The following GTF2E2 variants were observed in gnomAD, a reference collection of about 807,000 sequenced individuals.
GTF2E2 encodes the protein transcription initiation factor IIE subunit beta.
GTF2E2 carries 21 observed loss-of-function variants against 40.5 expected under a neutral mutation model. That is an observed-to-expected ratio of 0.52 (90% confidence interval 0.37 to 0.75). GTF2E2 has a LOEUF of 0.75. Among genes scored for constraint, GTF2E2 ranks in the 30% least tolerant of loss-of-function variants. GTF2E2 has a pLI of 0.00. For synonymous variants in GTF2E2, 117 were observed against 121.6 expected (o/e 0.96, Z 0.25); for missense variants, 298 against 338.4 (o/e 0.88, Z 0.94).
intron 6 of GTF2E2, among the ~76,000 whole-genome samples, chr8:30,589,632 A>G (rs1585937787): frequency 6.6e-6 from 1 of 152,256 alleles, no homozygotes; most frequent in Non-Finnish European, 1.5e-5. Flanking sequence ...CTTCATCCTC[A>G]ACATTTCAAC....
Position 30,611,949 on chromosome 8 carries a change from T to C in GTF2E2, c.549+350A>G, listed in dbSNP as rs559390037. Among the ~76,000 whole-genome samples, 4 of 152,302 alleles carry C rather than the reference T, an allele frequency of 2.6e-5. No individual in the cohort carries two copies. The South Asian group carries it at 8.3e-4, about 32-fold the overall frequency. On this transcript the variant is annotated intron_variant, in intron 5 of 7. Transcript: ENST00000355904. ...TGCTTTCATGTTTTAATGCCTCTAG[T>C]TCCTCAGGTAAGGAACATCTACTAG...
chr8:30,616,803 G>A (rs1281370849), intron 3 of GTF2E2, among the ~76,000 whole-genome samples: 1 of 56,376 alleles, frequency 1.8e-5, no homozygotes, highest in African/African-American at 1.3e-4. Flanking sequence ...ACCTAAAACT[G>A]CTCTAAAAAA....
At chr8:30,625,224 G>A (rs957958696) in intron 3 of GTF2E2, among the ~76,000 whole-genome samples, 41 of 152,038 alleles carry the variant, frequency 2.7e-4, no homozygotes, top group South Asian at 1.2e-3. Flanking sequence ...AGTATGAAGC[G>A]CTGTTGAATT....
At chr8:30,581,494 T>G (rs935008495) in intron 6 of GTF2E2, among the ~76,000 whole-genome samples, 1 of 152,228 alleles carries the variant, frequency 6.6e-6, no homozygotes, top group Non-Finnish European at 1.5e-5. Context: ...AGGACTCTGG[T>G]GATACCATGG....
intron 6 of GTF2E2, among the ~76,000 whole-genome samples, chr8:30,588,492 C>T (rs1051258320): frequency 2.0e-5 from 3 of 152,204 alleles, no homozygotes; most frequent in African/African-American, 7.2e-5. Flanking sequence ...CGCATGTTTT[C>T]ACCTCTACGT....
chr8:30,583,478 C>T (rs1381863876), intron 6 of GTF2E2, among the ~76,000 whole-genome samples: 2 of 152,092 alleles, frequency 1.3e-5, no homozygotes, highest in Non-Finnish European at 2.9e-5. Flanking sequence ...TTCCTGGGCT[C>T]AATCAATCTT....
At chr8:30,631,612 G>A (rs1013125940) in intron 3 of GTF2E2, among the ~76,000 whole-genome samples, 1 of 152,148 alleles carries the variant, frequency 6.6e-6, no homozygotes, top group African/African-American at 2.4e-5. Context: ...TTTTTCAACA[G>A]TTTAATATTT....
At chr8:30,611,030 C>G (rs1829461276) in intron 5 of GTF2E2, among the ~76,000 whole-genome samples, 2 of 152,106 alleles carry the variant, frequency 1.3e-5, no homozygotes, top group Admixed American at 1.3e-4. Context: ...AATCCTGTTG[C>G]AAGTACAACA....
intron 2 of GTF2E2, among the ~76,000 whole-genome samples, chr8:30,640,254 G>A (rs1270640501): frequency 1.3e-5 from 2 of 152,116 alleles, no homozygotes; most frequent in African/African-American, 4.8e-5. Context: ...AAAAGCACCT[G>A]AGAATTCAAT....
rs759318970 is a variant in GTF2E2 at position 30,621,014 on chromosome 8, T to C, written c.259-6299A>G. Among the ~76,000 whole-genome samples, 17 of 151,808 alleles carry C rather than the reference T, an allele frequency of 1.1e-4. 2 individuals carry two copies. The highest frequency in any genetic ancestry group is 1.9e-4 in the East Asian group (1 of 5,192). On this transcript the variant is annotated intron_variant, in intron 3 of 7. Transcript: ENST00000355904. ...TTGGATATATGGATCTGGAAGCACA[T>C]AGCCTAAACTAGAAGGAATAATGGA...
At chr8:30,651,337 C>T (rs1217203793) in intron 2 of GTF2E2, among the ~76,000 whole-genome samples, 1 of 151,886 alleles carries the variant, frequency 6.6e-6, no homozygotes, top group Non-Finnish European at 1.5e-5. Context: ...AAAACAAGTT[C>T]AGTCAGGTTA....
At chr8:30,587,747 C>G (rs933030775) in intron 6 of GTF2E2, among the ~76,000 whole-genome samples, 2 of 151,842 alleles carry the variant, frequency 1.3e-5, no homozygotes, top group Non-Finnish European at 2.9e-5. Flanking sequence ...TGGCGGGCAC[C>G]TGTAATTCCA....
intron 6 of GTF2E2, among the ~76,000 whole-genome samples, chr8:30,588,945 A>T (rs1828759560): frequency 6.6e-6 from 1 of 152,206 alleles, no homozygotes; most frequent in Admixed American, 6.5e-5. Flanking sequence ...CTGCTTGAAA[A>T]TTTTCTTTTT....
At chr8:30,589,577 T>A (rs1426052397) in intron 6 of GTF2E2, among the ~76,000 whole-genome samples, 1 of 152,172 alleles carries the variant, frequency 6.6e-6, no homozygotes, top group Admixed American at 6.5e-5. Flanking sequence ...AAAAAATAAA[T>A]TTTAAGTATA....
Position 30,611,461 on chromosome 8 carries a change from G to A in GTF2E2, c.549+838C>T, listed in dbSNP as rs75309767. 9.2e-3 allele frequency among the ~76,000 whole-genome samples: 1,399 copies of A among 151,610 alleles called. 30 individuals are homozygous for A. Among genetic ancestry groups the A allele is most frequent in the African/African-American group, 0.031 (1,287 of 41,358 alleles). ...GTAACAAAAGATACTTGTCACGAAT[G>A]GAAAAAAAAGAAAACAAAATTCAGC... On this transcript the variant is annotated intron_variant, in intron 5 of 7. Coordinates refer to ENST00000355904, the MANE Select transcript of GTF2E2 (RefSeq NM_002095.6).
At chr8:30,634,042 T>G (rs1203661388) in intron 3 of GTF2E2, among the ~76,000 whole-genome samples, 1 of 152,202 alleles carries the variant, frequency 6.6e-6, no homozygotes, top group African/African-American at 2.4e-5. Context: ...TTTCAAGAGA[T>G]GCAACTAGTA....
chr8:30,590,539 A>T (rs1333949263), intron 6 of GTF2E2, among the ~76,000 whole-genome samples: 1 of 152,216 alleles, frequency 6.6e-6, no homozygotes, highest in African/African-American at 2.4e-5. Flanking sequence ...CACCATAAAC[A>T]AAAACTCTAA....
intron 3 of GTF2E2, among the ~76,000 whole-genome samples, chr8:30,617,262 C>T (rs1216923127): frequency 6.6e-6 from 1 of 152,134 alleles, no homozygotes; most frequent in African/African-American, 2.4e-5. Flanking sequence ...AAGCTTAACA[C>T]ACCACACAAA....
intron 6 of GTF2E2, among the ~76,000 whole-genome samples, chr8:30,594,366 T>C (rs902924024): frequency 6.6e-6 from 1 of 151,824 alleles, no homozygotes; most frequent in African/African-American, 2.4e-5. Context: ...GAAGCAATTC[T>C]ACTGCCTCAG....
Sources: gnomAD v4.1 joint callset for allele counts (sites outside exome capture counted in the v4.1 genomes callset) on GRCh38, gnomAD v4.1.1 for gene constraint, MANE v1.5 for transcripts, NCBI Gene and HGNC (gene_info 2026-07-23, HGNC 2026-07-21) for gene names.